The following CSMD1 variants were observed in gnomAD, a reference collection of about 807,000 sequenced individuals.
The protein encoded by CSMD1 is CUB and sushi domain-containing protein 1.
A neutral mutation model predicts 417.5 loss-of-function variants in CSMD1; 213 were observed. The observed-to-expected ratio is 0.51, with a 90% CI of 0.46 to 0.57. CSMD1 has a LOEUF of 0.57. Among genes scored for constraint, CSMD1 ranks in the 20% least tolerant of loss-of-function variants. CSMD1 has a pLI of 0.00. For missense variants in CSMD1, 6,923 were observed against 4,529.7 expected (o/e 1.53, Z -15.17); for synonymous variants, 2,862 against 1,736.8 (o/e 1.65, Z -16.11).
At chr8:3,733,263 T>TACAA in intron 6 of CSMD1, among the ~76,000 whole-genome samples, 1 of 138,156 alleles carries the variant, frequency 7.2e-6, no homozygotes. Context: ...TATATACACA[T>TACAA]ACACATATTT....
rs189425867 is a variant in CSMD1, at chr8:3,636,859, T to A, written c.1010-20062A>T. Among the ~76,000 whole-genome samples the A allele has an allele frequency of 8.4e-4, 128 of 152,324 alleles. 1 individual carries two copies. Among genetic ancestry groups the A allele is most frequent in the Non-Finnish European group, 5.0e-4 (34 of 68,038 alleles). ...GTTTAAATGTCCCTTCCAAGACTCA[T>A]GTTGAGATATATAGATTTTGTTGCC... On this transcript the variant is annotated intron_variant, in intron 7 of 69. Coordinates refer to ENST00000635120, the MANE Select transcript of CSMD1 (RefSeq NM_033225.6).
chr8:3,165,452 G>A (rs1368150489), intron 37 of CSMD1, among the ~76,000 whole-genome samples: 1 of 151,472 alleles, frequency 6.6e-6, no homozygotes, highest in Non-Finnish European at 1.5e-5. Flanking sequence ...TTATTTTTGA[G>A]ACAGAGTCTC....
chr8:4,216,192 A>G (rs922451530), intron 3 of CSMD1, among the ~76,000 whole-genome samples: 27 of 152,142 alleles, frequency 1.8e-4, no homozygotes, highest in African/African-American at 6.5e-4. Flanking sequence ...GGCTTTGTCA[A>G]CATTGCGATG....
intron 4 of CSMD1, among the ~76,000 whole-genome samples, chr8:3,999,841 T>A (rs747140508): frequency 6.6e-6 from 1 of 152,194 alleles, no homozygotes; most frequent in African/African-American, 2.4e-5. Flanking sequence ...AGCCAGTCTG[T>A]GACTCCCATC....
rs367553713 is a variant in CSMD1, at chr8:4,103,546, G to A, written c.416-71447C>T. Among the ~76,000 whole-genome samples, 150 of 151,854 alleles carry A rather than the reference G, an allele frequency of 9.9e-4. 1 individual carries two copies. Among genetic ancestry groups the A allele is most frequent in the African/African-American group, 3.3e-3 (138 of 41,476 alleles). ...AATATATATACACACATGTAAAACT[G>A]ACTGCATCAAAGTTTGATACGATGG... On this transcript the variant is annotated intron_variant, in intron 3 of 69. Coordinates refer to ENST00000635120, the MANE Select transcript of CSMD1 (RefSeq NM_033225.6).
chr8:3,734,186 G>A (rs567005652), intron 6 of CSMD1, among the ~76,000 whole-genome samples: 2 of 152,294 alleles, frequency 1.3e-5, no homozygotes, highest in South Asian at 4.1e-4. Flanking sequence ...ACATTGAGCT[G>A]ATGCATGGAA....
intron 47 of CSMD1, 57 bp from the exon 48 acceptor site, chr8:3,091,719 A>G: frequency 6.6e-7 from 1 of 1,510,740 alleles, no homozygotes; most frequent in Admixed American, 2.1e-5. Flanking sequence ...TACCAAATGC[A>G]TACTAGGTTT....
At chr8:4,112,923 T>G (rs1301215288) in intron 3 of CSMD1, among the ~76,000 whole-genome samples, 2 of 152,212 alleles carry the variant, frequency 1.3e-5, no homozygotes, top group Non-Finnish European at 2.9e-5. Context: ...TCTCCAACAG[T>G]AAGTGCTCAC....
chr8:2,982,138 T>A (rs936760025), intron 54 of CSMD1, among the ~76,000 whole-genome samples: 4 of 152,036 alleles, frequency 2.6e-5, no homozygotes, highest in Non-Finnish European at 5.9e-5. Context: ...GGCAGATCAT[T>A]TGAGGTCAAG....
chr8:4,278,544 A>G (rs1796609546), intron 3 of CSMD1, among the ~76,000 whole-genome samples: 1 of 152,244 alleles, frequency 6.6e-6, no homozygotes, highest in South Asian at 2.1e-4. Context: ...GTACTAAAAT[A>G]CTAAACATAT....
chr8:3,385,719 T>G (rs992743441), intron 18 of CSMD1, among the ~76,000 whole-genome samples: 1 of 152,194 alleles, frequency 6.6e-6, no homozygotes, highest in African/African-American at 2.4e-5. Context: ...ATATTTATTT[T>G]AGAGTTTACT....
chr8:3,249,444 G>T (rs1311184758), intron 26 of CSMD1, among the ~76,000 whole-genome samples: 1 of 152,104 alleles, frequency 6.6e-6, no homozygotes, highest in Non-Finnish European at 1.5e-5. Flanking sequence ...GGCTGGCCTT[G>T]AACTCCTGAC....
intron 47 of CSMD1, among the ~76,000 whole-genome samples, chr8:3,095,878 T>C (rs949979941): frequency 9.2e-5 from 14 of 152,166 alleles, no homozygotes; most frequent in Non-Finnish European, 1.6e-4. Flanking sequence ...TCATTGAAAT[T>C]GCAAAAAAAT....
chr8:3,952,816 A>G (rs1811678744), intron 5 of CSMD1, among the ~76,000 whole-genome samples: 2 of 152,216 alleles, frequency 1.3e-5, no homozygotes, highest in East Asian at 3.8e-4. Context: ...CTCATTAATC[A>G]AAGAAATAAA....
At chr8:4,123,010 T>G (rs532475395) in intron 3 of CSMD1, among the ~76,000 whole-genome samples, 1 of 152,332 alleles carries the variant, frequency 6.6e-6, no homozygotes, top group Admixed American at 6.5e-5. Flanking sequence ...AGCTTCCAGC[T>G]TTGACAAATT....
intron 26 of CSMD1, among the ~76,000 whole-genome samples, chr8:3,263,181 C>T (rs569885566): frequency 6.6e-6 from 1 of 152,166 alleles, no homozygotes; most frequent in Non-Finnish European, 1.5e-5. Flanking sequence ...TCACTGCAAC[C>T]CCTGCCTCCT....
At chr8:4,484,335 T>C (rs17070401) in intron 2 of CSMD1, among the ~76,000 whole-genome samples, 1 of 152,160 alleles carries the variant, frequency 6.6e-6, no homozygotes, top group South Asian at 2.1e-4. Flanking sequence ...TTAAAAAATT[T>C]TAACATTGAG....
At chr8:4,952,435 T>A (rs7840102) in intron 1 of CSMD1, among the ~76,000 whole-genome samples, 3 of 151,820 alleles carry the variant, frequency 2.0e-5, no homozygotes, top group Non-Finnish European at 2.9e-5. Context: ...TAGTGAGTCA[T>A]ACTTACTGGA....
intron 3 of CSMD1, among the ~76,000 whole-genome samples, chr8:4,131,491 T>G (rs1195688274): frequency 6.6e-6 from 1 of 152,196 alleles, no homozygotes; most frequent in Non-Finnish European, 1.5e-5. Context: ...ACCAAATATT[T>G]TCCCCTTGGA....
Sources: allele counts gnomAD v4.1 joint callset (sites outside exome capture counted in the v4.1 genomes callset), GRCh38; gene constraint gnomAD v4.1.1; transcripts MANE v1.5; gene names NCBI Gene and HGNC (gene_info 2026-07-23, HGNC 2026-07-21).